Variants in TMPPE observed in about 807,000 individuals in gnomAD.
TMPPE encodes transmembrane protein with metallophosphoesterase domain.
TMPPE carries 16 observed loss-of-function variants against 22.6 expected under a neutral mutation model. That is an observed-to-expected ratio of 0.71 (90% CI 0.48 to 1.08). The LOEUF (loss-of-function observed/expected upper bound fraction) is 1.08. TMPPE is among the 50% of genes least tolerant of loss of function. The probability of loss-of-function intolerance (pLI) is 0.00; values close to 1 mark genes in which losing one functional copy is unlikely to be tolerated. For synonymous variants in TMPPE, 240 were observed against 245.3 expected (o/e 0.98, Z 0.20); for missense variants, 526 against 584.3 (o/e 0.90, Z 1.03).
At chr3:33,094,758 T>C (rs965919769) in intron 1 of TMPPE, among the ~76,000 whole-genome samples, 1 of 152,202 alleles carries the variant, frequency 6.6e-6, no homozygotes, top group Non-Finnish European at 1.5e-5. Flanking sequence ...ACATGAAAAT[T>C]TGACTGTCTT....
At position 33,096,849 on chromosome 3, in the gene TMPPE, C is replaced by A. The variant is rs905070069; in HGVS notation, c.-239G>T. ...CCCGGCCCGCCCCCGACGGGAAGGC[C>A]GGTCCACTGCCTGCGTTCCGCCGGC... On this transcript the variant is annotated 5_prime_UTR_variant, in exon 1 of 2. Transcript: ENST00000342462. 1.5e-5 allele frequency: 21 copies of A among 1,390,586 alleles called. No individual in the cohort carries two copies. Among genetic ancestry groups the A allele is most frequent in the Non-Finnish European group, 1.8e-5 (19 of 1,073,766 alleles). 86.1% of individuals were successfully genotyped at this position (1,390,586 alleles called of 1,614,324 possible). A position where few individuals can be genotyped will look rare whatever the true frequency, so the allele number is the denominator to read the frequency against.
In TMPPE at chr3:33,096,701, G is replaced by C. The variant is rs909653400; in HGVS notation, c.-109+18C>G. 1 of 1,197,814 alleles carries C rather than the reference G, an allele frequency of 8.3e-7. No homozygotes were observed. The allele number at this position is 1,197,814 out of a possible 1,614,324, so 74.2% of individuals were successfully genotyped here. On this transcript the variant is annotated intron_variant, in intron 1 of 1. Transcript: ENST00000342462. ...AATCCCCTCCCGGAAAGCCAACTTA[G>C]GAAATGTTTACACGCACCTCGTCTC...
In TMPPE at chr3:33,092,573, T is replaced by C. The variant is rs1700810839; in HGVS notation, c.*261A>G. The C allele has an allele frequency of 4.1e-6, 5 of 1,229,096 alleles. No homozygotes were observed. The East Asian group carries it at 9.9e-5, about 24-fold the overall frequency. The allele number at this position is 1,229,096 out of a possible 1,614,324, so 76.1% of individuals were successfully genotyped here. The stretch of plus-strand genomic sequence containing the variant: ...TCCCCATTCCACATCATCTGGAAAA[T>C]AGAGGGGAGTGCTAATATATGTGAC... On this transcript the variant is annotated 3_prime_UTR_variant, in exon 2 of 2. Coordinates refer to ENST00000342462, the MANE Select transcript of TMPPE (RefSeq NM_001039770.3).
chr3:33,090,910 G>A lies in TMPPE; in HGVS notation c.*1924C>T. ...GATGGCATTCAAGAGAAAGAAAAGA[G>A]GTAAGGATGCAAAATTAAAAAAAAA... On this transcript the variant is annotated 3_prime_UTR_variant, in exon 2 of 2. Transcript: ENST00000342462. The A allele has an allele frequency of 1.0e-6, 1 of 985,246 alleles. No individual in the cohort carries two copies. Among genetic ancestry groups the A allele is most frequent in the Middle Eastern group, 5.2e-4 (1 of 1,914 alleles). The allele number at this position is 985,246 out of a possible 1,614,324, so 61.0% of individuals were successfully genotyped here. A position where few individuals can be genotyped will look rare whatever the true frequency, so the allele number is the denominator to read the frequency against.
Position 33,094,002 on chromosome 3 carries a change from C to G in TMPPE, c.194G>C (p.Arg65Pro). 6.2e-7 allele frequency: 1 copy of G among 1,614,150 alleles called. No homozygotes were observed. Among genetic ancestry groups the G allele is most frequent in the South Asian group, 1.1e-5 (1 of 91,070 alleles). The stretch of plus-strand genomic sequence containing the variant: ...GTGGCAGAGGTTGCTCACTGTGCTG[C>G]GCCAAATGTAGAGGGAGCCAATGAG... ...LLLIGSLYIW[R>P]STVSNLCHSP... Residue 65 changes from arginine to proline, a missense_variant, in exon 2 of 2, where the codon CGC becomes CCC. Transcript: ENST00000342462.
Position 33,091,403 on chromosome 3 carries a change from T to G in TMPPE, c.*1431A>C, listed in dbSNP as rs1180570154. On this transcript the variant is annotated 3_prime_UTR_variant, in exon 2 of 2. Transcript: ENST00000342462. ...GGGAAGGAAGGCAAACCCCTAGCAGTTGCTGCTTTGACACATCACCTGCCC... is the reference window on the plus strand; with the variant it reads ...GGGAAGGAAGGCAAACCCCTAGCAGGTGCTGCTTTGACACATCACCTGCCC... 1 of 985,408 alleles carries G rather than the reference T, an allele frequency of 1.0e-6. No individual in the cohort carries two copies. Among genetic ancestry groups the G allele is most frequent in the African/African-American group, 1.7e-5 (1 of 57,244 alleles). The allele number at this position is 985,408 out of a possible 1,614,324, so 61.0% of individuals were successfully genotyped here. A position where few individuals can be genotyped will look rare whatever the true frequency, so the allele number is the denominator to read the frequency against.
chr3:33,094,097 C>T lies in TMPPE; in HGVS notation c.99G>A (p.Glu33=), dbSNP rs755068860. ...AACGCCAGGCCCTGAGCTCAAGGCT[C>T]TCTGCCAGATACGAGCGGGAGGCGA... ...SMIASRSYLA[E]SLELRAWRWL... is the part of the protein sequence containing the mutation. Residue 33 remains glutamate (E), a synonymous_variant, in exon 2 of 2, where the codon GAG becomes GAA. Coordinates refer to ENST00000342462, the MANE Select transcript of TMPPE (RefSeq NM_001039770.3). 1.4e-5 allele frequency: 23 copies of T among 1,614,130 alleles called. No individual in the cohort carries two copies. Among genetic ancestry groups the T allele is most frequent in the Non-Finnish European group, 1.9e-5 (23 of 1,180,054 alleles).
Position 33,092,523 on chromosome 3 carries a change from T to A in TMPPE, c.*311A>T. 1.8e-6 allele frequency: 2 copies of A among 1,125,336 alleles called. No homozygotes were observed. Among genetic ancestry groups the A allele is most frequent in the South Asian group, 7.6e-5 (2 of 26,272 alleles). The allele number at this position is 1,125,336 out of a possible 1,614,324, so 69.7% of individuals were successfully genotyped here. On this transcript the variant is annotated 3_prime_UTR_variant, in exon 2 of 2. Coordinates refer to ENST00000342462, the MANE Select transcript of TMPPE (RefSeq NM_001039770.3). ...TCTAGCAACCCCGAGGGGAGGTTCA[T>A]CCCTGGGAGCTCTGCAGGAGAAGGT...
chr3:33,090,747 G>C lies in TMPPE; in HGVS notation c.*2087C>G, dbSNP rs189476239. 1 of 985,362 alleles carries C rather than the reference G, an allele frequency of 1.0e-6. No individual in the cohort carries two copies. The highest frequency in any genetic ancestry group is 6.1e-5 in the Admixed American group (1 of 16,272). The allele number at this position is 985,362 out of a possible 1,614,324, so 61.0% of individuals were successfully genotyped here. On this transcript the variant is annotated 3_prime_UTR_variant, in exon 2 of 2. Coordinates refer to ENST00000342462, the MANE Select transcript of TMPPE (RefSeq NM_001039770.3). ...CTGCAAAAATGTCCGCCGCGTCAGGGAATACAAACCACATACGAGAGGGTG... is the reference window on the plus strand; with the variant it reads ...CTGCAAAAATGTCCGCCGCGTCAGGCAATACAAACCACATACGAGAGGGTG...
In TMPPE at chr3:33,096,839, A is replaced by C; in HGVS notation, c.-229T>G. On this transcript the variant is annotated 5_prime_UTR_variant, in exon 1 of 2. Coordinates refer to ENST00000342462, the MANE Select transcript of TMPPE (RefSeq NM_001039770.3). ...GCGCGCCCCGCCCGGCCCGCCCCCG[A>C]CGGGAAGGCCGGTCCACTGCCTGCG... is the stretch of plus-strand genomic sequence containing the variant. The C allele has an allele frequency of 7.3e-7, 1 of 1,361,438 alleles. No homozygotes were observed. Among genetic ancestry groups the C allele is most frequent in the Non-Finnish European group, 9.5e-7 (1 of 1,057,722 alleles). 84.3% of individuals were successfully genotyped at this position (1,361,438 alleles called of 1,614,324 possible). A position where few individuals can be genotyped will look rare whatever the true frequency, so the allele number is the denominator to read the frequency against.
At chr3:33,095,247 T>C (rs556933938) in intron 1 of TMPPE, among the ~76,000 whole-genome samples, 21 of 150,990 alleles carry the variant, frequency 1.4e-4, no homozygotes, top group Admixed American at 4.6e-4. Flanking sequence ...GAATATTCTC[T>C]TAATTTCTAG....
Position 33,093,958 on chromosome 3 carries a change from T to G in TMPPE, c.238A>C (p.Thr80Pro). 4 of 1,614,098 alleles carry G rather than the reference T, an allele frequency of 2.5e-6. No homozygotes were observed. Among genetic ancestry groups the G allele is most frequent in the Non-Finnish European group, 3.4e-6 (4 of 1,180,020 alleles). The change falls in exon 2 of 2, where the codon ACC (threonine) becomes CCC (proline). Residue 80 changes from threonine to proline, a missense_variant. Coordinates refer to ENST00000342462, the MANE Select transcript of TMPPE (RefSeq NM_001039770.3). The surrounding 1 kb of genome is among the most constrained non-coding windows in gnomAD (Gnocchi z 6.0). ...ACCACCTTCCAAAGCTGAAAACAGG[T>G]TGACTCTGCAGCTGGGGAGTGGCAG... ...NLCHSPAAESTCFQLWKVVVL... is the reference protein window; with the variant it reads ...NLCHSPAAESPCFQLWKVVVL...
chr3:33,090,556 G>A lies in TMPPE; in HGVS notation c.*2278C>T. The A allele has an allele frequency of 5.1e-6, 5 of 985,326 alleles. No individual in the cohort carries two copies. The highest frequency in any genetic ancestry group is 6.0e-6 in the Non-Finnish European group (5 of 829,900). 61.0% of individuals were successfully genotyped at this position (985,326 alleles called of 1,614,324 possible). On this transcript the variant is annotated 3_prime_UTR_variant, in exon 2 of 2. Coordinates refer to ENST00000342462, the MANE Select transcript of TMPPE (RefSeq NM_001039770.3). ...ACAGATTAAAAATAAAGAAACAAAT[G>A]AAATTGAAAGAATGATCAAGCTTCA...
At position 33,092,486 on chromosome 3, in the gene TMPPE, G is replaced by C. The variant is rs1700806350; in HGVS notation, c.*348C>G. On this transcript the variant is annotated 3_prime_UTR_variant, in exon 2 of 2. Coordinates refer to ENST00000342462, the MANE Select transcript of TMPPE (RefSeq NM_001039770.3). ...CTGCTCCTCCCCGCCCCACCTTCTA[G>C]AGGTATGCCTTTCTAGCAACCCCGA... 1.9e-6 allele frequency: 2 copies of C among 1,058,532 alleles called. No individual in the cohort carries two copies. Among genetic ancestry groups the C allele is most frequent in the Non-Finnish European group, 1.1e-6 (1 of 875,768 alleles). 65.6% of individuals were successfully genotyped at this position (1,058,532 alleles called of 1,614,324 possible).
In TMPPE at chr3:33,092,868, T is replaced by C; in HGVS notation, c.1328A>G (p.Glu443Gly). ...CCGCTGCAGGATGAGCTCTGTGATC[T>C]CGGCCCTGCTACCCAGCCTCATGGG... ...GIPMRLGSRA[E>G]ITELILQRSP Residue 443 changes from glutamate (E) to glycine (G), a missense_variant, in exon 2 of 2, where the codon GAG becomes GGG. By Grantham distance (98) the Glu-to-Gly change is moderately conservative. Transcript: ENST00000342462. 1 of 1,611,640 alleles carries C rather than the reference T, an allele frequency of 6.2e-7. No individual in the cohort carries two copies. The highest frequency in any genetic ancestry group is 8.5e-7 in the Non-Finnish European group (1 of 1,178,544).
rs951875806 is a variant in TMPPE at position 33,093,862 on chromosome 3, A to G, written c.334T>C (p.Tyr112His). Residue 112 changes from tyrosine (Y) to histidine (H), a missense_variant, in exon 2 of 2, where the codon TAT becomes CAT. Tyr to His is a moderately conservative substitution (Grantham distance 83, BLOSUM62 2). Transcript: ENST00000342462. This position sits in a 1 kb window ranked among gnomAD's most constrained non-coding sequence, Gnocchi z 6.0. ...TMFFLVAEEP[Y>H]LFSLAAYSCL... ...GAGTAGGCCGCCAAGGAAAAGAGATAGGGCTCTTCGGCCACTAAAAAGAAC... is the reference window on the plus strand; with the variant it reads ...GAGTAGGCCGCCAAGGAAAAGAGATGGGGCTCTTCGGCCACTAAAAAGAAC... The G allele has an allele frequency of 3.7e-6, 6 of 1,613,642 alleles. No individual in the cohort carries two copies. Among genetic ancestry groups the G allele is most frequent in the Non-Finnish European group, 5.1e-6 (6 of 1,179,862 alleles).
Position 33,093,270 on chromosome 3 carries a change from G to T in TMPPE, c.926C>A (p.Ala309Asp). Residue 309 changes from alanine (A) to aspartate (D), a missense_variant, in exon 2 of 2, where the codon GCC becomes GAC. Physicochemically the swap from Ala to Asp is moderately radical, Grantham distance 126. Transcript: ENST00000342462. The surrounding 1 kb of genome is among the most constrained non-coding windows in gnomAD (Gnocchi z 6.0). Reference protein sequence around the residue: ...PLHNENVKISATRAQRGGGGS... With the variant: ...PLHNENVKISDTRAQRGGGGS... ...ACCACCACCACGTTGGGCCCGTGTG[G>T]CGGAAATCTTCACGTTCTCATTATG... 6.2e-7 allele frequency: 1 copy of T among 1,614,142 alleles called. No individual in the cohort carries two copies.
At chr3:33,096,463 C>A in intron 1 of TMPPE, 1 of 985,050 alleles carries the variant, frequency 1.0e-6, no homozygotes, top group South Asian at 4.7e-5. Context: ...AAGAAAAACC[C>A]AAGCCAAAGG....
Position 33,091,871 on chromosome 3 carries a change from A to C in TMPPE, c.*963T>G. The C allele has an allele frequency of 4.1e-6, 4 of 985,390 alleles. No individual in the cohort carries two copies. Among genetic ancestry groups the C allele is most frequent in the African/African-American group, 1.7e-5 (1 of 57,338 alleles). The allele number at this position is 985,390 out of a possible 1,614,324, so 61.0% of individuals were successfully genotyped here. On this transcript the variant is annotated 3_prime_UTR_variant, in exon 2 of 2. Coordinates refer to ENST00000342462, the MANE Select transcript of TMPPE (RefSeq NM_001039770.3). ...TTTTCTAACACGGGTGCTTATCTCC[A>C]TCTCAGGATCAAAGGATCTATTGCT...
Sources: allele counts gnomAD v4.1 joint callset (sites outside exome capture counted in the v4.1 genomes callset), GRCh38; gene constraint gnomAD v4.1.1; non-coding constraint Gnocchi (gnomAD v3.1); transcripts MANE v1.5; gene names NCBI Gene and HGNC (gene_info 2026-07-23, HGNC 2026-07-21).